Variants in PPP1R13B observed in about 807,000 individuals in gnomAD.
PPP1R13B encodes protein phosphatase 1 regulatory subunit 13B.
Under a neutral mutation model 119.8 loss-of-function variants are expected in PPP1R13B, and 44 were observed. The observed-to-expected ratio is 0.37, with a 90% CI of 0.29 to 0.47. PPP1R13B has a LOEUF of 0.47. Among genes scored for constraint, PPP1R13B ranks in the 20% least tolerant of loss-of-function variants. PPP1R13B has a pLI of 0.99. For synonymous variants in PPP1R13B, 542 were observed against 561.5 expected (o/e 0.97, Z 0.49); for missense variants, 1,227 against 1,413.5 (o/e 0.87, Z 2.12).
chr14:103,794,957 T>TG (rs1163724022), intron 2 of PPP1R13B, among the ~76,000 whole-genome samples: 1 of 152,148 alleles, frequency 6.6e-6, no homozygotes, highest in African/African-American at 2.4e-5. Context: ...TTTGTTTGTT[T>TG]TTTTTTGAGA....
chr14:103,814,654 A>G (rs915941363), intron 1 of PPP1R13B, among the ~76,000 whole-genome samples: 2 of 152,142 alleles, frequency 1.3e-5, no homozygotes, highest in Non-Finnish European at 2.9e-5. Flanking sequence ...AAAAAAAAAC[A>G]AAAACCGGCG....
intron 16 of PPP1R13B, 73 bp from the exon 17 acceptor site, chr14:103,735,268 G>C (rs1227986256): frequency 1.3e-6 from 2 of 1,484,748 alleles, no homozygotes; most frequent in African/African-American, 2.8e-5. Context: ...CCCGACCCCT[G>C]CTCCTCACCT....
At chr14:103,801,487 G>A (rs2085900016) in intron 1 of PPP1R13B, among the ~76,000 whole-genome samples, 1 of 152,006 alleles carries the variant, frequency 6.6e-6, no homozygotes, top group Non-Finnish European at 1.5e-5. Flanking sequence ...CTTCCTGTTT[G>A]CCTGTAAATT....
intron 9 of PPP1R13B, among the ~76,000 whole-genome samples, chr14:103,743,599 C>T (rs1006597045): frequency 2.0e-5 from 3 of 152,198 alleles, no homozygotes; most frequent in African/African-American, 7.2e-5. Flanking sequence ...CTAAAGTGTT[C>T]AACGCTTCCA....
chr14:103,845,247 A>G (rs936586036), intron 1 of PPP1R13B, among the ~76,000 whole-genome samples: 2 of 146,754 alleles, frequency 1.4e-5, no homozygotes, highest in African/African-American at 5.1e-5. Context: ...GATAGTTTAA[A>G]ATATTACCAA....
intron 1 of PPP1R13B, among the ~76,000 whole-genome samples, chr14:103,837,522 T>A (rs2086805157): frequency 6.6e-6 from 1 of 151,478 alleles, no homozygotes; most frequent in African/African-American, 2.4e-5. Context: ...CCTCCTTCCT[T>A]CCTCTCTCTC....
At chr14:103,794,976 C>T (rs1011583754) in intron 2 of PPP1R13B, among the ~76,000 whole-genome samples, 1 of 151,846 alleles carries the variant, frequency 6.6e-6, no homozygotes, top group Non-Finnish European at 1.5e-5. Flanking sequence ...GACAGTCTCG[C>T]TCTGTCGCCC....
chr14:103,800,608 T>C (rs2085875847), intron 1 of PPP1R13B, among the ~76,000 whole-genome samples: 1 of 151,756 alleles, frequency 6.6e-6, no homozygotes, highest in South Asian at 2.1e-4. Context: ...TGAGCCAAGA[T>C]TGCACCATTT....
chr14:103,745,638 C>A (rs560381425), intron 9 of PPP1R13B, among the ~76,000 whole-genome samples: 2 of 152,346 alleles, frequency 1.3e-5, no homozygotes, highest in East Asian at 3.9e-4. Context: ...ACCAAACCAA[C>A]GATGTGTGGA....
intron 1 of PPP1R13B, among the ~76,000 whole-genome samples, chr14:103,825,447 G>C (rs2086515910): frequency 6.6e-6 from 1 of 152,134 alleles, no homozygotes; most frequent in East Asian, 1.9e-4. Context: ...TGAATGCAAA[G>C]GAAAACTTCC....
rs1468490875 is a variant in PPP1R13B, at chr14:103,805,610, G to C, written c.10-8092C>G. Reference sequence around the variant, plus strand: ...AAAGAAGGAAGGAAGGAAGGAAGGAGAGAGAAAAGGAAAGACAAGACAAAA... The same window carrying C: ...AAAGAAGGAAGGAAGGAAGGAAGGACAGAGAAAAGGAAAGACAAGACAAAA... On this transcript the variant is annotated intron_variant, in intron 1 of 16. Coordinates refer to ENST00000202556, the MANE Select transcript of PPP1R13B (RefSeq NM_015316.3). Among the ~76,000 whole-genome samples the C allele has an allele frequency of 2.6e-5, 4 of 151,296 alleles. No individual in the cohort carries two copies. In the East Asian group the frequency reaches 7.8e-4, roughly 29 times the overall value.
chr14:103,735,082 G>A lies in PPP1R13B; in HGVS notation c.*72C>T, dbSNP rs897027151. 3.2e-6 allele frequency: 5 copies of A among 1,559,328 alleles called. No individual in the cohort carries two copies. The African/African-American group carries it at 5.4e-5, about 17-fold the overall frequency. On this transcript the variant is annotated 3_prime_UTR_variant, in exon 17 of 17. Transcript: ENST00000202556. Reference sequence around the variant, plus strand: ...ACCATTTTCTAGCTGCAGCTTTCCTGGAAAACAGCACAATAATCTCTTAAG... The same window carrying A: ...ACCATTTTCTAGCTGCAGCTTTCCTAGAAAACAGCACAATAATCTCTTAAG...
chr14:103,814,638 C>T (rs1165885868), intron 1 of PPP1R13B, among the ~76,000 whole-genome samples: 1 of 151,932 alleles, frequency 6.6e-6, no homozygotes, highest in Non-Finnish European at 1.5e-5. Context: ...GACCACATCA[C>T]TATTTAAAAA....
At chr14:103,825,656 G>C (rs1418059974) in intron 1 of PPP1R13B, among the ~76,000 whole-genome samples, 1 of 152,168 alleles carries the variant, frequency 6.6e-6, no homozygotes, top group African/African-American at 2.4e-5. Context: ...AGCTGCAAAA[G>C]AAAGTTGGAA....
chr14:103,793,975 TC>T (rs2085692006), intron 2 of PPP1R13B, among the ~76,000 whole-genome samples: 1 of 152,130 alleles, frequency 6.6e-6, no homozygotes, highest in African/African-American at 2.4e-5. Flanking sequence ...TGGCCCCTAA[TC>T]CAATATGACT....
intron 1 of PPP1R13B, among the ~76,000 whole-genome samples, chr14:103,834,200 C>A (rs2086722764): frequency 6.6e-6 from 1 of 152,108 alleles, no homozygotes; most frequent in Non-Finnish European, 1.5e-5. Context: ...CATGGCGAAA[C>A]CCCGTCTTTA....
intron 8 of PPP1R13B, among the ~76,000 whole-genome samples, chr14:103,748,131 C>G (rs567725487): frequency 2.0e-5 from 3 of 151,912 alleles, no homozygotes; most frequent in Non-Finnish European, 2.9e-5. Flanking sequence ...GCGCACGCTA[C>G]TGGTTCTCTT....
At chr14:103,823,096 T>G (rs1001791146) in intron 1 of PPP1R13B, among the ~76,000 whole-genome samples, 4 of 151,570 alleles carry the variant, frequency 2.6e-5, no homozygotes, top group Non-Finnish European at 5.9e-5. Flanking sequence ...CCCAGCACTT[T>G]GGGAGGCTGA....
At chr14:103,756,157 C>T (rs917221728) in intron 5 of PPP1R13B, among the ~76,000 whole-genome samples, 6 of 151,624 alleles carry the variant, frequency 4.0e-5, no homozygotes, top group Non-Finnish European at 5.9e-5. Flanking sequence ...TGCAATGGCG[C>T]GATCTCAGCT....
Sources: gnomAD v4.1 joint callset for allele counts (sites outside exome capture counted in the v4.1 genomes callset) on GRCh38, gnomAD v4.1.1 for gene constraint, MANE v1.5 for transcripts, NCBI Gene and HGNC (gene_info 2026-07-23, HGNC 2026-07-21) for gene names.